The following VPS36 variants were observed in gnomAD, a reference collection of about 807,000 sequenced individuals.
VPS36 encodes the protein vacuolar protein sorting 36 homolog.
VPS36 carries 31 observed loss-of-function variants against 63.5 expected under a neutral mutation model. The observed-to-expected ratio is 0.49, with a 90% CI of 0.37 to 0.66. VPS36 has a LOEUF of 0.66. Ranked by LOEUF, VPS36 falls within the 30% of genes least tolerant of loss-of-function variation. The pLI is 0.00. For synonymous variants in VPS36, 138 were observed against 157.2 expected, an observed-to-expected ratio of 0.88 and a Z score of 0.91; for missense variants, 338 against 463.7, an observed-to-expected ratio of 0.73 and a Z score of 2.49.
intron 1 of VPS36, among the ~76,000 whole-genome samples, chr13:52,445,056 T>G (rs2084370640): frequency 6.6e-6 from 1 of 152,204 alleles, no homozygotes; most frequent in Non-Finnish European, 1.5e-5. Context: ...TTAGTAAACT[T>G]TAATGATAAC....
At chr13:52,416,193 T>C in intron 12 of VPS36, 100 bp from the exon 13 acceptor site, 1 of 1,100,628 alleles carries the variant, frequency 9.1e-7, no homozygotes, top group Non-Finnish European at 1.3e-6. Flanking sequence ...TACCAGTATA[T>C]GCAAGAAATA....
chr13:52,417,395 T>C (rs1182186347), intron 11 of VPS36, among the ~76,000 whole-genome samples: 3 of 152,216 alleles, frequency 2.0e-5, no homozygotes, highest in Non-Finnish European at 4.4e-5. Context: ...ATTTCGCTCT[T>C]GCTGCCCAGG....
intron 4 of VPS36, 103 bp downstream of exon 4, chr13:52,436,186 TA>T: frequency 1.4e-6 from 1 of 713,464 alleles, no homozygotes; most frequent in Non-Finnish European, 2.3e-6. Flanking sequence ...GTATGTTGTA[TA>T]ATACTACCTT....
At chr13:52,420,467 G>T (rs1173938177) in intron 10 of VPS36, among the ~76,000 whole-genome samples, 1 of 151,712 alleles carries the variant, frequency 6.6e-6, no homozygotes, top group African/African-American at 2.4e-5. Context: ...CAAGTAGCTG[G>T]GATTACAGGT....
intron 12 of VPS36, 66 bp downstream of exon 12, chr13:52,416,991 T>G: frequency 7.5e-7 from 1 of 1,333,048 alleles, no homozygotes; most frequent in Non-Finnish European, 1.0e-6. Flanking sequence ...TCCTGTTTTT[T>G]GAGTTGCTAA....
intron 10 of VPS36, among the ~76,000 whole-genome samples, chr13:52,418,502 G>A (rs1308982767): frequency 6.8e-6 from 1 of 147,950 alleles, no homozygotes; most frequent in Non-Finnish European, 1.5e-5. Flanking sequence ...TTGAACCCAG[G>A]AGGCGGAGTT....
At chr13:52,450,314 C>A in intron 1 of VPS36, 185 bp downstream of exon 1, 3 of 1,174,408 alleles carry the variant, frequency 2.6e-6, no homozygotes, top group Non-Finnish European at 3.1e-6. Flanking sequence ...CGCCCCACGC[C>A]ACGTGCTACC....
At chr13:52,433,199 G>A (rs1376513338) in intron 6 of VPS36, among the ~76,000 whole-genome samples, 1 of 152,204 alleles carries the variant, frequency 6.6e-6, no homozygotes, top group Admixed American at 6.5e-5. Context: ...TTGTCCCCCA[G>A]TAGAAGTGAT....
chr13:52,450,455 G>A, intron 1 of VPS36, 44 bp downstream of exon 1: 1 of 1,558,450 alleles, frequency 6.4e-7, no homozygotes, highest in South Asian at 1.2e-5. Flanking sequence ...GCCCACCGGG[G>A]GTCCCTTCCG....
chr13:52,423,863 T>TTTTATG (rs1958069978), intron 9 of VPS36, among the ~76,000 whole-genome samples: 1 of 152,096 alleles, frequency 6.6e-6, no homozygotes, highest in Non-Finnish European at 1.5e-5. Flanking sequence ...TTATTTTTAT[T>TTTTATG]TTTATTTTTT....
At chr13:52,423,977 C>T (rs1421315453) in intron 9 of VPS36, among the ~76,000 whole-genome samples, 3 of 152,160 alleles carry the variant, frequency 2.0e-5, no homozygotes, top group African/African-American at 7.2e-5. Flanking sequence ...CCTGCCTCAG[C>T]CTCCTGAGTA....
At chr13:52,433,814 C>T in intron 5 of VPS36, 66 bp from the exon 6 acceptor site, 1 of 1,430,812 alleles carries the variant, frequency 7.0e-7, no homozygotes, top group Non-Finnish European at 9.6e-7. Context: ...CTTTTGTAAC[C>T]AACCACATTG....
intron 6 of VPS36, among the ~76,000 whole-genome samples, chr13:52,428,923 A>C (rs1958129702): frequency 6.6e-6 from 1 of 152,156 alleles, no homozygotes; most frequent in South Asian, 2.1e-4. Flanking sequence ...TGTGCCTTAG[A>C]AGAAATGTCT....
chr13:52,421,721 A>G (rs1594113532), intron 10 of VPS36, among the ~76,000 whole-genome samples: 1 of 151,812 alleles, frequency 6.6e-6, no homozygotes, highest in African/African-American at 2.4e-5. Flanking sequence ...ATAGGGTTTC[A>G]CCATGTTGGC....
intron 6 of VPS36, among the ~76,000 whole-genome samples, chr13:52,431,619 T>C (rs1026685356): frequency 5.9e-5 from 9 of 151,602 alleles, no homozygotes; most frequent in African/African-American, 2.2e-4. Context: ...AAAAATTAGC[T>C]GGGCACAGTG....
At chr13:52,425,249 C>A (rs1958089695) in intron 9 of VPS36, among the ~76,000 whole-genome samples, 1 of 138,246 alleles carries the variant, frequency 7.2e-6, no homozygotes, top group Non-Finnish European at 1.5e-5. Flanking sequence ...CGAGACTCCG[C>A]CTCAAAAAAA....
chr13:52,447,699 G>A (rs990286502), intron 1 of VPS36, among the ~76,000 whole-genome samples: 1 of 152,132 alleles, frequency 6.6e-6, no homozygotes, highest in African/African-American at 2.4e-5. Flanking sequence ...ATCACCTGTG[G>A]GGTCTCAGTT....
At position 52,413,566 on chromosome 13, in the gene VPS36, C is replaced by T. The variant is rs1957966357; in HGVS notation, c.*2264G>A. ...ATATACATTGATACCAATCATTTAACCCTGAAAACACAGTCTTCACTAACA... is the reference window on the plus strand; with the variant it reads ...ATATACATTGATACCAATCATTTAATCCTGAAAACACAGTCTTCACTAACA... On this transcript the variant is annotated 3_prime_UTR_variant, in exon 14 of 14. Coordinates refer to ENST00000378060, the MANE Select transcript of VPS36 (RefSeq NM_016075.4). The T allele has an allele frequency of 6.6e-6, 1 of 152,052 alleles. No homozygotes were observed. Among genetic ancestry groups the T allele is most frequent in the African/African-American group, 2.4e-5 (1 of 41,384 alleles). The allele number at this position is 152,052 out of a possible 1,614,324, so 9.4% of individuals were successfully genotyped here.
intron 6 of VPS36, among the ~76,000 whole-genome samples, chr13:52,427,972 T>A (rs1240306373): frequency 6.6e-6 from 1 of 152,214 alleles, no homozygotes; most frequent in Non-Finnish European, 1.5e-5. Context: ...AATAGTTCTC[T>A]GGGCACAATA....
Sources: gnomAD v4.1 joint callset for allele counts (sites outside exome capture counted in the v4.1 genomes callset) on GRCh38, gnomAD v4.1.1 for gene constraint, MANE v1.5 for transcripts, NCBI Gene and HGNC (gene_info 2026-07-23, HGNC 2026-07-21) for gene names.